PKIA: variants seen among roughly 807,000 people sequenced by gnomAD.
PKIA encodes the protein cAMP-dependent protein kinase inhibitor alpha.
A neutral mutation model predicts 7.6 loss-of-function variants in PKIA; 4 were observed. The observed-to-expected ratio is 0.52, with a 90% CI of 0.26 to 1.20. PKIA has a LOEUF of 1.20. Ranked by LOEUF, PKIA falls within the 50% of genes most tolerant of loss-of-function variation. The pLI, the probability that PKIA is intolerant of heterozygous loss-of-function variation, is 0.13. For missense variants in PKIA, 73 were observed against 86.2 expected, an observed-to-expected ratio of 0.85 and a Z score of 0.61; for synonymous variants, 21 against 30.7, an observed-to-expected ratio of 0.68 and a Z score of 1.04.
intron 2 of PKIA, among the ~76,000 whole-genome samples, chr8:78,578,898 G>A (rs1156482308): frequency 6.6e-6 from 1 of 151,986 alleles, no homozygotes; most frequent in Admixed American, 6.6e-5. Context: ...CCAGGCTTGA[G>A]ATTCATAATT....
At chr8:78,528,460 G>C (rs1387725552) in intron 1 of PKIA, among the ~76,000 whole-genome samples, 1 of 151,986 alleles carries the variant, frequency 6.6e-6, no homozygotes, top group Non-Finnish European at 1.5e-5. Context: ...CTGTCAATTA[G>C]AAGATATAAG....
chr8:78,523,157 TTGAG>T (rs1166329930), intron 1 of PKIA, among the ~76,000 whole-genome samples: 1 of 151,940 alleles, frequency 6.6e-6, no homozygotes, highest in Admixed American at 6.6e-5. Context: ...TAATATATGT[TTGAG>T]TATCTACTTA....
At chr8:78,540,210 T>C (rs552555258) in intron 1 of PKIA, among the ~76,000 whole-genome samples, 24 of 151,904 alleles carry the variant, frequency 1.6e-4, no homozygotes, top group Non-Finnish European at 2.9e-4. Context: ...AAAATAAAAA[T>C]ATAGGTCTCG....
At chr8:78,587,118 G>C (rs1265950368) in intron 2 of PKIA, among the ~76,000 whole-genome samples, 1 of 152,080 alleles carries the variant, frequency 6.6e-6, no homozygotes, top group Non-Finnish European at 1.5e-5. Context: ...GTTAATATGA[G>C]TTATTTTGAT....
intron 1 of PKIA, among the ~76,000 whole-genome samples, chr8:78,518,491 AAT>A (rs1488649632): frequency 3.9e-5 from 6 of 152,188 alleles, no homozygotes; most frequent in Non-Finnish European, 8.8e-5. Flanking sequence ...AATGAATTTT[AAT>A]ATAGTTATTC....
intron 1 of PKIA, among the ~76,000 whole-genome samples, chr8:78,565,199 A>AT (rs1276105643): frequency 1.4e-5 from 2 of 140,078 alleles, no homozygotes; most frequent in South Asian, 2.2e-4. Context: ...AAATTTCAAG[A>AT]TTTTTTTTCT....
intron 1 of PKIA, among the ~76,000 whole-genome samples, chr8:78,562,047 G>C (rs1468608148): frequency 2.0e-5 from 3 of 152,166 alleles, no homozygotes; most frequent in African/African-American, 7.2e-5. Context: ...AGGGAGAATA[G>C]ACAGAAGCCA....
intron 1 of PKIA, among the ~76,000 whole-genome samples, chr8:78,545,001 A>T (rs567797810): frequency 1.3e-5 from 2 of 152,266 alleles, no homozygotes; most frequent in Admixed American, 6.5e-5. Flanking sequence ...AGAATCTCCC[A>T]AACGGTAATA....
In PKIA at chr8:78,540,564, A is replaced by G. The variant is rs565621588; in HGVS notation, c.-157+24096A>G. Among the ~76,000 whole-genome samples, 69 of 152,244 alleles carry G rather than the reference A, an allele frequency of 4.5e-4. 1 individual carries two copies. The South Asian group carries it at 0.014, about 31-fold the overall frequency. ...ATTAAAATTATATTAAATTAACAGCAAAGAATATAAAGCAGTCAGAAGTCA... is the reference window on the plus strand; with the variant it reads ...ATTAAAATTATATTAAATTAACAGCGAAGAATATAAAGCAGTCAGAAGTCA... On this transcript the variant is annotated intron_variant, in intron 1 of 3. Transcript: ENST00000396418.
Position 78,601,923 on chromosome 8 carries a change from G to T in PKIA, c.*102G>T, listed in dbSNP as rs1285631573. On this transcript the variant is annotated 3_prime_UTR_variant, in exon 4 of 4. Coordinates refer to ENST00000396418, the MANE Select transcript of PKIA (RefSeq NM_006823.4). ...GAGTGAAAAGAGGAAAAAGAAAATG[G>T]CTGTGCTGCATTGCAGGAACCTGCT... The T allele has an allele frequency of 5.3e-5, 48 of 912,300 alleles. No individual in the cohort carries two copies. The East Asian group carries it at 1.2e-3, about 23-fold the overall frequency. 56.5% of individuals were successfully genotyped at this position (912,300 alleles called of 1,614,324 possible). A position where few individuals can be genotyped will look rare whatever the true frequency, so the allele number is the denominator to read the frequency against.
At chr8:78,587,866 G>C (rs1807988497) in intron 2 of PKIA, among the ~76,000 whole-genome samples, 1 of 152,096 alleles carries the variant, frequency 6.6e-6, no homozygotes, top group Non-Finnish European at 1.5e-5. Context: ...AACTGGGTAA[G>C]AATAAGGACA....
chr8:78,603,397 A>G lies in PKIA; in HGVS notation c.*1576A>G, dbSNP rs1808399870. The G allele has an allele frequency of 6.6e-6, 1 of 152,054 alleles. No homozygotes were observed. Among genetic ancestry groups the G allele is most frequent in the Non-Finnish European group, 1.5e-5 (1 of 67,950 alleles). The allele number at this position is 152,054 out of a possible 1,614,324, so 9.4% of individuals were successfully genotyped here. ...ACTCAGCCCTTCTATGTAATTACAT[A>G]CAGGATAAAAGGTAAGTCTGCTCAC... On this transcript the variant is annotated 3_prime_UTR_variant, in exon 4 of 4. Coordinates refer to ENST00000396418, the MANE Select transcript of PKIA (RefSeq NM_006823.4).
At chr8:78,546,197 A>C (rs1806817670) in intron 1 of PKIA, among the ~76,000 whole-genome samples, 1 of 152,216 alleles carries the variant, frequency 6.6e-6, no homozygotes, top group Non-Finnish European at 1.5e-5. Flanking sequence ...TTTGGAAACT[A>C]CTTGTAAAAT....
chr8:78,582,109 G>A (rs1465708753), intron 2 of PKIA, among the ~76,000 whole-genome samples: 1 of 151,592 alleles, frequency 6.6e-6, no homozygotes, highest in African/African-American at 2.4e-5. Flanking sequence ...CAATGGTAGT[G>A]GGCTTCTAGC....
At chr8:78,560,104 T>TCCTGATTGCCACATCTGGAAC (rs1367516744) in intron 1 of PKIA, among the ~76,000 whole-genome samples, 1 of 152,228 alleles carries the variant, frequency 6.6e-6, no homozygotes, top group East Asian at 1.9e-4. Flanking sequence ...ACAAATCATT[T>TCCTGATTGCCACATCTGGAAC]CCTGATTGCC....
At chr8:78,569,848 A>C (rs991807042) in intron 1 of PKIA, among the ~76,000 whole-genome samples, 11 of 152,166 alleles carry the variant, frequency 7.2e-5, no homozygotes, top group African/African-American at 2.7e-4. Context: ...TGACAAATAC[A>C]ACAACCAAAA....
intron 3 of PKIA, among the ~76,000 whole-genome samples, chr8:78,600,686 A>G (rs1443997842): frequency 6.6e-6 from 1 of 152,124 alleles, no homozygotes; most frequent in East Asian, 1.9e-4. Flanking sequence ...AAAATTATAT[A>G]TAATGTCTGG....
At chr8:78,569,094 C>T (rs1807489367) in intron 1 of PKIA, among the ~76,000 whole-genome samples, 1 of 152,162 alleles carries the variant, frequency 6.6e-6, no homozygotes, top group Non-Finnish European at 1.5e-5. Context: ...GCCCCCGCCT[C>T]TACTTGCCAT....
At chr8:78,551,951 G>A (rs1318397403) in intron 1 of PKIA, among the ~76,000 whole-genome samples, 1 of 151,890 alleles carries the variant, frequency 6.6e-6, no homozygotes, top group Admixed American at 6.6e-5. Flanking sequence ...TGCTGGAGAG[G>A]TATTGATAGT....
Sources: allele counts gnomAD v4.1 joint callset (sites outside exome capture counted in the v4.1 genomes callset), GRCh38; gene constraint gnomAD v4.1.1; transcripts MANE v1.5; gene names NCBI Gene and HGNC (gene_info 2026-07-23, HGNC 2026-07-21).